The following HOOK3 variants were observed in gnomAD, a reference collection of about 807,000 sequenced individuals.
HOOK3 encodes the protein hook microtubule tethering protein 3, also known as protein Hook homolog 3.
Under a neutral mutation model 116.3 loss-of-function variants are expected in HOOK3, and 24 were observed. The observed-to-expected ratio is 0.21, with a 90% CI of 0.15 to 0.29. The LOEUF is 0.29. Ranked by LOEUF, HOOK3 falls within the 10% of genes least tolerant of loss-of-function variation. The pLI is 1.00. For missense variants in HOOK3, 632 were observed against 830.2 expected (o/e 0.76, Z 2.93); for synonymous variants, 275 against 283.0 (o/e 0.97, Z 0.28).
intron 1 of HOOK3, among the ~76,000 whole-genome samples, chr8:42,900,387 A>G (rs1247925302): frequency 1.3e-5 from 2 of 152,226 alleles, no homozygotes; most frequent in Non-Finnish European, 2.9e-5. Context: ...AACGAAGTCT[A>G]CAATGCTACC....
At chr8:42,898,852 T>C (rs1311919204) in intron 1 of HOOK3, among the ~76,000 whole-genome samples, 1 of 152,260 alleles carries the variant, frequency 6.6e-6, no homozygotes. Context: ...GTAGCTTAGC[T>C]TGGTCTACCT....
chr8:42,941,772 C>G (rs1323318505), intron 4 of HOOK3, among the ~76,000 whole-genome samples: 4 of 152,114 alleles, frequency 2.6e-5, no homozygotes, highest in South Asian at 2.1e-4. Context: ...GTCTTCCACT[C>G]CTTCCCCAGC....
intron 2 of HOOK3, among the ~76,000 whole-genome samples, chr8:42,911,307 C>T (rs1807424387): frequency 6.6e-6 from 1 of 152,102 alleles, no homozygotes; most frequent in Admixed American, 6.5e-5. Flanking sequence ...AAAAATTAGC[C>T]AGGCATGGTG....
At chr8:43,011,092 A>T (rs992721029) in intron 19 of HOOK3, among the ~76,000 whole-genome samples, 6 of 151,838 alleles carry the variant, frequency 4.0e-5, no homozygotes, top group African/African-American at 1.4e-4. Context: ...TCCCGGGTTC[A>T]CGCCATTCTC....
intron 5 of HOOK3, among the ~76,000 whole-genome samples, chr8:42,950,180 G>A (rs543551487): frequency 0.016 from 2,492 of 152,224 alleles, 30 homozygotes; most frequent in Non-Finnish European, 0.022. Context: ...ACTTTAGAAG[G>A]AATGTTGAAA....
At chr8:42,943,746 C>T (rs1808172513) in intron 5 of HOOK3, among the ~76,000 whole-genome samples, 1 of 152,152 alleles carries the variant, frequency 6.6e-6, no homozygotes, top group Non-Finnish European at 1.5e-5. Context: ...TCTACCTAAT[C>T]TGGAAAAAAT....
intron 4 of HOOK3, among the ~76,000 whole-genome samples, chr8:42,933,219 CTT>C (rs1807904169): frequency 6.6e-6 from 1 of 152,114 alleles, no homozygotes; most frequent in Non-Finnish European, 1.5e-5. Context: ...TATAAATACT[CTT>C]TAATAATATA....
In HOOK3 at chr8:42,942,767, G is replaced by A. The variant is rs370807631; in HGVS notation, c.268-546G>A. 1.9e-4 allele frequency among the ~76,000 whole-genome samples: 29 copies of A among 152,268 alleles called. 1 individual carries two copies. The highest frequency in any genetic ancestry group is 6.5e-4 in the African/African-American group (27 of 41,556). On this transcript the variant is annotated intron_variant, in intron 4 of 21. Transcript: ENST00000307602. ...CTGAGTTGGGGGTGCTTTTTGAGTG[G>A]TACATTTCACTGTAGGATTGTCAGG...
chr8:42,938,886 T>C (rs1323992941), intron 4 of HOOK3, among the ~76,000 whole-genome samples: 6 of 152,102 alleles, frequency 3.9e-5, no homozygotes, highest in Non-Finnish European at 8.8e-5. Flanking sequence ...TTTGTGTCCC[T>C]GGGTACTTGA....
At position 43,025,987 on chromosome 8, in the gene HOOK3, G is replaced by A. The variant is rs1809927196; in HGVS notation, c.*7489G>A. The A allele has an allele frequency of 4.8e-6, 1 of 210,302 alleles. No homozygotes were observed. Among genetic ancestry groups the A allele is most frequent in the Non-Finnish European group, 9.6e-6 (1 of 103,714 alleles). 13.0% of individuals were successfully genotyped at this position (210,302 alleles called of 1,614,324 possible). ...ATCAAATCCGAATTATATCTACTTA[G>A]AGCTTAGAGGAAGAATTAGGTATCA... On this transcript the variant is annotated 3_prime_UTR_variant, in exon 22 of 22. Coordinates refer to ENST00000307602, the MANE Select transcript of HOOK3 (RefSeq NM_032410.4).
chr8:42,909,613 C>T (rs923820354), intron 2 of HOOK3, among the ~76,000 whole-genome samples: 4 of 152,134 alleles, frequency 2.6e-5, no homozygotes, highest in African/African-American at 4.8e-5. Flanking sequence ...AGCACAGGCA[C>T]GCACACACCC....
intron 1 of HOOK3, among the ~76,000 whole-genome samples, chr8:42,903,099 A>G (rs949373518): frequency 3.3e-5 from 5 of 152,114 alleles, no homozygotes; most frequent in Admixed American, 6.5e-5. Flanking sequence ...GATGGTGTTT[A>G]TTTGTTTCAT....
intron 5 of HOOK3, 36 bp from the exon 6 acceptor site, chr8:42,950,352 T>C: frequency 7.2e-7 from 1 of 1,391,662 alleles, no homozygotes; most frequent in Non-Finnish European, 1.0e-6. Context: ...CATCTTTAAC[T>C]TGAACAGTGA....
intron 4 of HOOK3, among the ~76,000 whole-genome samples, chr8:42,939,145 A>C (rs1808038496): frequency 6.6e-6 from 1 of 152,122 alleles, no homozygotes; most frequent in Non-Finnish European, 1.5e-5. Context: ...CAACCATCTG[A>C]TTTCTCACTC....
Position 43,022,586 on chromosome 8 carries a change from A to G in HOOK3, c.*4088A>G, listed in dbSNP as rs184455812. ...CACAGTGTGTATTTCAGAAGTTTGT[A>G]ATCCAGAAAATATAGTAGTGTATAA... On this transcript the variant is annotated 3_prime_UTR_variant, in exon 22 of 22. Transcript: ENST00000307602. 5.4e-6 allele frequency: 1 copy of G among 186,432 alleles called. No homozygotes were observed. The highest frequency in any genetic ancestry group is 6.2e-5 in the Admixed American group (1 of 16,114). 11.5% of individuals were successfully genotyped at this position (186,432 alleles called of 1,614,324 possible).
At position 42,927,502 on chromosome 8, in the gene HOOK3, C is replaced by T. The variant is rs147387567; in HGVS notation, c.216+1873C>T. On this transcript the variant is annotated intron_variant, in intron 3 of 21. Coordinates refer to ENST00000307602, the MANE Select transcript of HOOK3 (RefSeq NM_032410.4). ...AACTCCTAACCTCAGGTGATCTGCC[C>T]GCCTTGGCCTCCCAAAGTGCTGGGT... is the stretch of plus-strand genomic sequence containing the variant. Among the ~76,000 whole-genome samples, 165 of 152,214 alleles carry T rather than the reference C, an allele frequency of 1.1e-3. 4 individuals are homozygous for T. In the South Asian group the frequency reaches 0.028, roughly 25 times the overall value.
At chr8:42,964,175 C>A in intron 8 of HOOK3, 136 bp from the exon 9 acceptor site, 1 of 819,996 alleles carries the variant, frequency 1.2e-6, no homozygotes, top group Non-Finnish European at 1.9e-6. Flanking sequence ...CCACTGCACT[C>A]CAGCCTGGGC....
rs780643252 is a variant in HOOK3 at position 42,978,634 on chromosome 8, G to A, written c.1322-3993G>A. ...TCACCATGTTGGCCAGGCTGGTTTC[G>A]AACTCCTGACCTCAGGTGATCCACC... On this transcript the variant is annotated intron_variant, in intron 13 of 21. Coordinates refer to ENST00000307602, the MANE Select transcript of HOOK3 (RefSeq NM_032410.4). Among the ~76,000 whole-genome samples the A allele has an allele frequency of 9.9e-5, 15 of 151,986 alleles. No homozygotes were observed. The South Asian group carries it at 2.5e-3, about 25-fold the overall frequency.
chr8:42,950,133 C>T (rs1355032609), intron 5 of HOOK3, among the ~76,000 whole-genome samples: 1 of 152,048 alleles, frequency 6.6e-6, no homozygotes, highest in Non-Finnish European at 1.5e-5. Context: ...ATACTCATGC[C>T]AATATTCCAT....
Sources: gnomAD v4.1 joint callset for allele counts (sites outside exome capture counted in the v4.1 genomes callset) on GRCh38, gnomAD v4.1.1 for gene constraint, MANE v1.5 for transcripts, NCBI Gene and HGNC (gene_info 2026-07-23, HGNC 2026-07-21) for gene names.